DSE: variants seen among roughly 807,000 people sequenced by gnomAD.
DSE encodes dermatan-sulfate epimerase.
In DSE, 36 loss-of-function variants were observed where a neutral mutation model predicts 84.4. The observed-to-expected ratio is 0.43, with a 90% CI of 0.33 to 0.56. The LOEUF is 0.56. Ranked by LOEUF, DSE falls within the 20% of genes least tolerant of loss-of-function variation. The probability of loss-of-function intolerance (pLI) is 0.06; values close to 1 mark genes in which losing one functional copy is unlikely to be tolerated. For synonymous variants in DSE, 410 were observed against 430.1 expected (o/e 0.95, Z 0.58); for missense variants, 862 against 1,169.6 (o/e 0.74, Z 3.84).
intron 2 of DSE, among the ~76,000 whole-genome samples, chr6:116,360,396 GA>G (rs1459962415): frequency 6.6e-6 from 1 of 151,990 alleles, no homozygotes; most frequent in Non-Finnish European, 1.5e-5. Context: ...TCTGCATCTG[GA>G]AAAAAAGTCA....
chr6:116,416,457 TTGG>T (rs1228887050), intron 2 of DSE, among the ~76,000 whole-genome samples: 1 of 151,832 alleles, frequency 6.6e-6, no homozygotes, highest in African/African-American at 2.4e-5. Flanking sequence ...TGGGAAATAC[TTGG>T]TGTTCAGAAT....
chr6:116,293,279 T>TTTC (rs1163854904), intron 2 of DSE, among the ~76,000 whole-genome samples: 4 of 65,084 alleles, frequency 6.1e-5, no homozygotes, highest in African/African-American at 2.3e-4. Flanking sequence ...TCTTTTTTTC[T>TTTC]TTTTTTTTTT....
At chr6:116,359,238 A>T (rs1778751767) in intron 2 of DSE, among the ~76,000 whole-genome samples, 2 of 152,142 alleles carry the variant, frequency 1.3e-5, no homozygotes, top group South Asian at 4.1e-4. Context: ...GAACTCTCAG[A>T]AATAGATTAT....
intron 1 of DSE, among the ~76,000 whole-genome samples, chr6:116,397,908 T>C (rs1434318027): frequency 6.6e-6 from 1 of 152,214 alleles, no homozygotes; most frequent in African/African-American, 2.4e-5. Flanking sequence ...TGATGTCTCA[T>C]TGCCTTTTTC....
intron 2 of DSE, among the ~76,000 whole-genome samples, chr6:116,342,737 G>C (rs1777687438): frequency 3.3e-5 from 5 of 152,218 alleles, no homozygotes; most frequent in Admixed American, 3.3e-4. Context: ...ACAGCTCCCA[G>C]CATGAGTGAT....
At chr6:116,275,724 C>T (rs1773106897) in intron 2 of DSE, among the ~76,000 whole-genome samples, 1 of 150,290 alleles carries the variant, frequency 6.7e-6, no homozygotes, top group South Asian at 2.1e-4. Flanking sequence ...TGCTTGAAAC[C>T]GGGAGGCGGA....
chr6:116,421,284 C>A (rs1483754024), intron 2 of DSE, among the ~76,000 whole-genome samples: 2 of 151,554 alleles, frequency 1.3e-5, no homozygotes, highest in African/African-American at 4.8e-5. Flanking sequence ...CATCAAACAG[C>A]TTTGTTTATT....
chr6:116,364,445 G>T (rs1779057022), intron 2 of DSE, among the ~76,000 whole-genome samples: 1 of 152,134 alleles, frequency 6.6e-6, no homozygotes, highest in Non-Finnish European at 1.5e-5. Flanking sequence ...ATGCAAAATA[G>T]CCAAGATTTT....
chr6:116,321,730 C>T (rs896630737), intron 2 of DSE, among the ~76,000 whole-genome samples: 10 of 152,050 alleles, frequency 6.6e-5, no homozygotes, highest in African/African-American at 2.4e-4. Flanking sequence ...GCCGAGATCG[C>T]GCCACCGCAC....
chr6:116,414,223 G>A (rs1223206842), intron 2 of DSE, among the ~76,000 whole-genome samples: 1 of 152,164 alleles, frequency 6.6e-6, no homozygotes, highest in Non-Finnish European at 1.5e-5. Context: ...CCTTCTGGAG[G>A]CTCTCTGAAG....
chr6:116,282,358 A>AT lies in DSE; in HGVS notation c.-54+23400dup, dbSNP rs35546720. On this transcript the variant is annotated intron_variant, in intron 2 of 3. Transcript: ENST00000430252. The stretch of plus-strand genomic sequence containing the variant: ...CTTCTATTATTCCAATATGTCTCCT[A>AT]TTTTTTTTTAAGCAGAAAGGAGTGT... Among the ~76,000 whole-genome samples the AT allele has an allele frequency of 6.7e-3, 1,008 of 151,370 alleles. 10 individuals are homozygous for AT. Among genetic ancestry groups the AT allele is most frequent in the African/African-American group, 0.021 (872 of 41,324 alleles).
chr6:116,385,214 C>T (rs374928316), intron 1 of DSE, among the ~76,000 whole-genome samples: 41 of 152,282 alleles, frequency 2.7e-4, no homozygotes, highest in African/African-American at 9.6e-4. Context: ...GGCCAGGCTG[C>T]TTAGCCCCTT....
intron 2 of DSE, among the ~76,000 whole-genome samples, chr6:116,265,454 C>G (rs1462973060): frequency 6.6e-6 from 1 of 152,098 alleles, no homozygotes; most frequent in African/African-American, 2.4e-5. Context: ...CTCCCACATG[C>G]TGGTGGGGCA....
intron 2 of DSE, chr6:116,279,709 T>C (rs781049134): frequency 1.9e-6 from 3 of 1,611,234 alleles, no homozygotes; most frequent in Middle Eastern, 1.6e-4. Flanking sequence ...CTGTGTCGCC[T>C]CGCTTTGGTC....
intron 1 of DSE, among the ~76,000 whole-genome samples, chr6:116,395,420 G>A (rs138295564): frequency 0.023 from 3,449 of 148,386 alleles, 129 homozygotes; most frequent in African/African-American, 0.082. Context: ...GCGAGACTCC[G>A]TCTAAAAAAT....
chr6:116,325,849 G>C (rs1232171443), intron 2 of DSE, among the ~76,000 whole-genome samples: 2 of 152,194 alleles, frequency 1.3e-5, no homozygotes, highest in Non-Finnish European at 2.9e-5. Context: ...CCTGTCTCAA[G>C]AGCCGAGCTC....
chr6:116,392,610 T>G (rs1184631375), intron 1 of DSE, among the ~76,000 whole-genome samples: 2 of 152,204 alleles, frequency 1.3e-5, no homozygotes, highest in African/African-American at 4.8e-5. Flanking sequence ...ATTTTGTCTT[T>G]AATGATACCC....
chr6:116,327,535 C>A (rs181063867), intron 2 of DSE, among the ~76,000 whole-genome samples: 1 of 152,118 alleles, frequency 6.6e-6, no homozygotes, highest in African/African-American at 2.4e-5. Context: ...TTGTCAAGAT[C>A]TTGGGCAAAT....
chr6:116,258,885 C>A, exon 2 of DSE: 6 of 1,605,664 alleles, frequency 3.7e-6, no homozygotes, highest in Non-Finnish European at 5.1e-6. Context: ...AGCCGTGCAT[C>A]ATCATGGAGT....
Sources: gnomAD v4.1 joint callset for allele counts (sites outside exome capture counted in the v4.1 genomes callset) on GRCh38, gnomAD v4.1.1 for gene constraint, MANE v1.5 for transcripts, NCBI Gene and HGNC (gene_info 2026-07-23, HGNC 2026-07-21) for gene names.